Variants in MTUS1 observed in about 807,000 individuals in gnomAD.
MTUS1 encodes the protein microtubule-associated tumor suppressor 1.
A neutral mutation model predicts 120.8 loss-of-function variants in MTUS1; 109 were observed. The observed-to-expected ratio is 0.90, with a 90% CI of 0.77 to 1.06. MTUS1 has a LOEUF of 1.06. Ranked by LOEUF, MTUS1 falls within the 50% of genes least tolerant of loss-of-function variation. MTUS1 has a pLI of 0.00. For missense variants in MTUS1, 2,210 were observed against 1,486.3 expected (o/e 1.49, Z -8.01); for synonymous variants, 737 against 550.5 (o/e 1.34, Z -4.74).
At chr8:17,724,975 C>G (rs2046119322) in intron 3 of MTUS1, among the ~76,000 whole-genome samples, 1 of 152,124 alleles carries the variant, frequency 6.6e-6, no homozygotes, top group Non-Finnish European at 1.5e-5. Flanking sequence ...AGGCTGGTCT[C>G]AAACTTCTGG....
chr8:17,763,495 C>G (rs931163873), intron 1 of MTUS1, among the ~76,000 whole-genome samples: 1 of 152,150 alleles, frequency 6.6e-6, no homozygotes, highest in Non-Finnish European at 1.5e-5. Flanking sequence ...TTGACTCACT[C>G]CATCCAGGAG....
At position 17,675,265 on chromosome 8, in the gene MTUS1, C is replaced by A; in HGVS notation, c.2839-13G>T. On this transcript the variant is annotated splice_polypyrimidine_tract_variant and intron_variant, in intron 7 of 14. Coordinates refer to ENST00000693296, the MANE Select transcript of MTUS1 (RefSeq NM_001363059.2). ...GTGCTTCCTCCCGCTGCGGAAAACA[C>A]ACATCAAGTTACTCATGCTTTCAAG... The A allele has an allele frequency of 6.2e-7, 1 of 1,613,646 alleles. No individual in the cohort carries two copies. The highest frequency in any genetic ancestry group is 8.5e-7 in the Non-Finnish European group (1 of 1,179,662).
intron 1 of MTUS1, among the ~76,000 whole-genome samples, chr8:17,771,214 GA>G (rs2049997948): frequency 6.6e-6 from 1 of 152,092 alleles, no homozygotes; most frequent in Non-Finnish European, 1.5e-5. Flanking sequence ...TCTGTGTAAG[GA>G]AAAGTTCCTG....
At chr8:17,760,993 GA>G (rs1434692715) in intron 1 of MTUS1, among the ~76,000 whole-genome samples, 2 of 151,942 alleles carry the variant, frequency 1.3e-5, no homozygotes, top group African/African-American at 4.8e-5. Flanking sequence ...TCCTTTCTAA[GA>G]GAATCATTTG....
chr8:17,774,200 G>A (rs1030000320), intron 1 of MTUS1, among the ~76,000 whole-genome samples: 1 of 152,140 alleles, frequency 6.6e-6, no homozygotes, highest in Non-Finnish European at 1.5e-5. Flanking sequence ...CTCCCAGGCT[G>A]GCCTCCAATC....
chr8:17,708,396 G>C (rs780112788), intron 6 of MTUS1, among the ~76,000 whole-genome samples: 4 of 152,112 alleles, frequency 2.6e-5, no homozygotes, highest in Non-Finnish European at 4.4e-5. Context: ...ACAACAATGA[G>C]GTATCACTTC....
intron 1 of MTUS1, among the ~76,000 whole-genome samples, chr8:17,769,214 CA>C (rs1348377366): frequency 1.4e-5 from 2 of 139,026 alleles, no homozygotes; most frequent in African/African-American, 5.3e-5. Flanking sequence ...AAGTTCATTC[CA>C]AAAAATGCTT....
rs1423893733 is a variant in MTUS1, at chr8:17,766,593, T to C, written c.-154-10632A>G. ...CTATGCGAACTCTGAACTTACCTAG[T>C]TGGCTTATATGAAATTTGTAGAACG... On this transcript the variant is annotated intron_variant, in intron 1 of 14. Coordinates refer to ENST00000693296, the MANE Select transcript of MTUS1 (RefSeq NM_001363059.2). Among the ~76,000 whole-genome samples, 2 of 152,230 alleles carry C rather than the reference T, an allele frequency of 1.3e-5. 1 individual carries two copies. Among genetic ancestry groups the C allele is most frequent in the Admixed American group, 1.3e-4 (2 of 15,284 alleles).
chr8:17,731,679 A>G (rs1338057054), intron 3 of MTUS1, among the ~76,000 whole-genome samples: 2 of 152,076 alleles, frequency 1.3e-5, no homozygotes, highest in East Asian at 3.8e-4. Context: ...ATGCAAAATA[A>G]AAAGACATAA....
intron 1 of MTUS1, among the ~76,000 whole-genome samples, chr8:17,764,557 G>A (rs911910803): frequency 6.6e-5 from 10 of 152,074 alleles, no homozygotes; most frequent in Non-Finnish European, 8.8e-5. Context: ...CTTTTAAGAC[G>A]TCTTCACACG....
chr8:17,663,029 C>G (rs1810106528), intron 8 of MTUS1, among the ~76,000 whole-genome samples: 2 of 152,052 alleles, frequency 1.3e-5, no homozygotes, highest in African/African-American at 4.8e-5. Context: ...GTGACCCTCC[C>G]TGACAGTTTA....
At chr8:17,654,771 G>C (rs1182232482) in intron 9 of MTUS1, 105 bp from the exon 10 acceptor site, 1 of 750,874 alleles carries the variant, frequency 1.3e-6, no homozygotes, top group Admixed American at 2.1e-5. Flanking sequence ...ACAGGTAAGC[G>C]TGGGCTCTAG....
chr8:17,646,622 C>G (rs1031357324), intron 14 of MTUS1, among the ~76,000 whole-genome samples: 4 of 152,046 alleles, frequency 2.6e-5, no homozygotes, highest in African/African-American at 9.7e-5. Context: ...ACTTTTTGGG[C>G]AATTTCATAG....
rs939901064 is a variant in MTUS1 at position 17,755,689 on chromosome 8, G to A, written c.119C>T (p.Ser40Leu). 4 of 1,614,202 alleles carry A rather than the reference G, an allele frequency of 2.5e-6. No individual in the cohort carries two copies. In the African/African-American group the frequency reaches 4.0e-5, roughly 16 times the overall value. Residue 40 changes from serine to leucine, a missense_variant, in exon 2 of 15, where the codon TCA (serine) becomes TTA (leucine). By Grantham distance (145) the Ser-to-Leu change is moderately radical. Coordinates refer to ENST00000693296, the MANE Select transcript of MTUS1 (RefSeq NM_001363059.2). The stretch of plus-strand genomic sequence containing the variant: ...AGAATTCCAGTTCACACTGCTGGCT[G>A]AAGAGTTTTGTGTAGGTGGTGATTT... ...NPKSPPTQNS[S>L]ASSVNWNSAN...
chr8:17,776,405 G>A (rs1474467166), intron 1 of MTUS1, among the ~76,000 whole-genome samples: 1 of 152,018 alleles, frequency 6.6e-6, no homozygotes. Context: ...CACATACGAG[G>A]CCCAGTGCAG....
At chr8:17,691,756 G>C (rs1293953717) in intron 6 of MTUS1, among the ~76,000 whole-genome samples, 1 of 151,760 alleles carries the variant, frequency 6.6e-6, no homozygotes, top group African/African-American at 2.4e-5. Flanking sequence ...TCTACATTTT[G>C]TAGTACGAAA....
intron 8 of MTUS1, among the ~76,000 whole-genome samples, chr8:17,658,276 C>T (rs566226562): frequency 3.7e-4 from 57 of 152,108 alleles, no homozygotes; most frequent in Non-Finnish European, 6.9e-4. Flanking sequence ...CCTCGTGATG[C>T]GCCTGCCTCG....
chr8:17,712,776 G>C lies in MTUS1; in HGVS notation c.2623+438C>G, dbSNP rs549137066. 6.6e-5 allele frequency among the ~76,000 whole-genome samples: 9 copies of C among 137,356 alleles called. No individual in the cohort carries two copies. The South Asian group carries it at 1.8e-3, about 27-fold the overall frequency. The allele number at this position is 137,356 out of a possible 152,430, so 90.1% of individuals were successfully genotyped here. A position where few individuals can be genotyped will look rare whatever the true frequency, so the allele number is the denominator to read the frequency against. On this transcript the variant is annotated intron_variant, in intron 6 of 14. Coordinates refer to ENST00000693296, the MANE Select transcript of MTUS1 (RefSeq NM_001363059.2). ...ATTCTCAGCTGTGGTTCAAATAGTG[G>C]AGGCTGCAGGCTATCTTGGGAATGT...
chr8:17,742,875 G>C (rs1469518880), intron 3 of MTUS1, among the ~76,000 whole-genome samples: 1 of 152,126 alleles, frequency 6.6e-6, no homozygotes, highest in African/African-American at 2.4e-5. Context: ...AAATTGATTT[G>C]ACATGACTTT....
Sources: allele counts gnomAD v4.1 joint callset (sites outside exome capture counted in the v4.1 genomes callset), GRCh38; gene constraint gnomAD v4.1.1; transcripts MANE v1.5; gene names NCBI Gene and HGNC (gene_info 2026-07-23, HGNC 2026-07-21).